The following SRGAP1 variants were observed in gnomAD, a reference collection of about 807,000 sequenced individuals.
The protein encoded by SRGAP1 is SLIT-ROBO Rho GTPase activating protein 1, also known as SLIT-ROBO Rho GTPase-activating protein 1.
SRGAP1 carries 43 observed loss-of-function variants against 121.9 expected under a neutral mutation model. The ratio of observed to expected loss-of-function variants is 0.35; its 90% CI spans 0.28 to 0.46. The LOEUF (loss-of-function observed/expected upper bound fraction) is 0.46, where lower values mean the gene tolerates loss of function less well. Among genes scored for constraint, SRGAP1 ranks in the 20% least tolerant of loss-of-function variants. The pLI is 1.00. For missense variants in SRGAP1, 1,102 were observed against 1,350.9 expected, an observed-to-expected ratio of 0.82 and a Z score of 2.89; for synonymous variants, 447 against 485.4, an observed-to-expected ratio of 0.92 and a Z score of 1.04.
chr12:64,000,239 GGTGTGTGTGT>G (rs58289093), intron 3 of SRGAP1, among the ~76,000 whole-genome samples: 8 of 131,526 alleles, frequency 6.1e-5, no homozygotes, highest in East Asian at 2.2e-4. Context: ...GAAAGGTAGG[GGTGTGTGTGT>G]GTGTGTGTGT....
chr12:64,113,113 G>GAA (rs529686928), intron 17 of SRGAP1, among the ~76,000 whole-genome samples: 45 of 136,936 alleles, frequency 3.3e-4, no homozygotes, highest in African/African-American at 7.8e-4. Flanking sequence ...CTCTAAAGAA[G>GAA]AAAAAAAAAA....
chr12:64,021,338 G>T (rs74097518), intron 4 of SRGAP1, among the ~76,000 whole-genome samples: 3 of 152,210 alleles, frequency 2.0e-5, no homozygotes, highest in Admixed American at 6.5e-5. Context: ...GAGAAAGAGA[G>T]TGATTTGTAG....
intron 1 of SRGAP1, among the ~76,000 whole-genome samples, chr12:63,964,856 A>G (rs2032743496): frequency 1.3e-5 from 2 of 152,208 alleles, no homozygotes; most frequent in Non-Finnish European, 2.9e-5. Flanking sequence ...GTCCTTTTGT[A>G]AAATGAAAAT....
intron 4 of SRGAP1, among the ~76,000 whole-genome samples, chr12:64,023,053 G>A (rs1469038451): frequency 1.3e-5 from 2 of 152,072 alleles, no homozygotes; most frequent in South Asian, 2.1e-4. Flanking sequence ...CATCATCATC[G>A]CCCTCTTTAT....
At chr12:63,914,422 A>C (rs1163092190) in intron 1 of SRGAP1, among the ~76,000 whole-genome samples, 1 of 152,208 alleles carries the variant, frequency 6.6e-6, no homozygotes, top group Admixed American at 6.5e-5. Context: ...TTCACAGCTT[A>C]TGGGTGTAAA....
At chr12:64,051,768 TTCTC>T (rs756013714) in intron 6 of SRGAP1, among the ~76,000 whole-genome samples, 4 of 152,240 alleles carry the variant, frequency 2.6e-5, no homozygotes, top group African/African-American at 7.2e-5. Flanking sequence ...CATTCTCTCT[TTCTC>T]TCTCTGTCTC....
chr12:63,876,631 G>C (rs978500390), intron 1 of SRGAP1, among the ~76,000 whole-genome samples: 2 of 152,066 alleles, frequency 1.3e-5, no homozygotes, highest in African/African-American at 4.8e-5. Flanking sequence ...TATCTTGTGG[G>C]AGAAGCATTG....
chr12:63,990,630 CA>C (rs2136418870), intron 3 of SRGAP1, among the ~76,000 whole-genome samples: 1 of 152,250 alleles, frequency 6.6e-6, no homozygotes, highest in East Asian at 1.9e-4. Flanking sequence ...AGTTATAAGT[CA>C]GTGAATCTAT....
At chr12:63,908,217 A>G (rs748010669) in intron 1 of SRGAP1, among the ~76,000 whole-genome samples, 6 of 151,720 alleles carry the variant, frequency 4.0e-5, no homozygotes, top group Non-Finnish European at 8.8e-5. Context: ...TGAATTTTGG[A>G]ATTAACCTGT....
Position 63,977,902 on chromosome 12 carries a change from T to C in SRGAP1, c.68-6045T>C, listed in dbSNP as rs141388074. Among the ~76,000 whole-genome samples, 24 of 152,334 alleles carry C rather than the reference T, an allele frequency of 1.6e-4. No individual in the cohort carries two copies. The East Asian group carries it at 4.6e-3, about 29-fold the overall frequency. ...ATTTAAATAATGACTGCTTACAGCC[T>C]CCTCAGAGATCACATTTTTCCGCCT... On this transcript the variant is annotated intron_variant, in intron 1 of 21. Coordinates refer to ENST00000355086, the MANE Select transcript of SRGAP1 (RefSeq NM_020762.4).
intron 8 of SRGAP1, among the ~76,000 whole-genome samples, chr12:64,070,907 G>A (rs1239084557): frequency 4.6e-5 from 7 of 152,042 alleles, no homozygotes; most frequent in Non-Finnish European, 8.8e-5. Context: ...ACTCTCATGG[G>A]GGATTCTCAA....
At chr12:64,005,235 T>G (rs2034044421) in intron 3 of SRGAP1, among the ~76,000 whole-genome samples, 1 of 152,198 alleles carries the variant, frequency 6.6e-6, no homozygotes, top group Non-Finnish European at 1.5e-5. Flanking sequence ...GAAAAAATAA[T>G]TTTCAATAAT....
rs1167074068 is a variant in SRGAP1, at chr12:64,142,460, G to A, written c.3046G>A (p.Ala1016Thr). The A allele has an allele frequency of 3.1e-6, 5 of 1,614,116 alleles. No homozygotes were observed. In the South Asian group the frequency reaches 4.4e-5, roughly 14 times the overall value. ...ATCTCTCAGCCCTTTGCACAACGTT[G>A]CCCTCAGGAGCTCCGAGCCTCAGAT... ...TESLSPLHNVALRSSEPQIRR... is the reference protein window; with the variant it reads ...TESLSPLHNVTLRSSEPQIRR... Residue 1016 changes from alanine to threonine, a missense_variant, in exon 22 of 22, where the codon GCC becomes ACC. By Grantham distance (58) the Ala-to-Thr change is moderately conservative. Around this residue, in one of 3 missense-constraint regions of SRGAP1, gnomAD observed 315 missense variants for 343.1 expected, o/e 0.92. Transcript: ENST00000355086.
chr12:63,943,066 T>C (rs1273528938), intron 1 of SRGAP1, among the ~76,000 whole-genome samples: 1 of 152,182 alleles, frequency 6.6e-6, no homozygotes, highest in Non-Finnish European at 1.5e-5. Context: ...GCTCAGTGAG[T>C]TGTACGTCAC....
chr12:63,930,360 C>T (rs1197067372), intron 1 of SRGAP1, among the ~76,000 whole-genome samples: 3 of 150,478 alleles, frequency 2.0e-5, no homozygotes, highest in Non-Finnish European at 4.4e-5. Flanking sequence ...AAAGGGGAGC[C>T]CTCTTTTTAT....
intron 3 of SRGAP1, among the ~76,000 whole-genome samples, chr12:63,999,551 T>C (rs1187565270): frequency 6.6e-6 from 1 of 152,054 alleles, no homozygotes; most frequent in African/African-American, 2.4e-5. Context: ...ATTGATTGGC[T>C]GGGTGGGAGA....
At chr12:64,126,973 T>A (rs1356910337) in intron 19 of SRGAP1, among the ~76,000 whole-genome samples, 1 of 152,236 alleles carries the variant, frequency 6.6e-6, no homozygotes, top group Non-Finnish European at 1.5e-5. Flanking sequence ...TACTGTACCT[T>A]TTCTATGTTT....
intron 1 of SRGAP1, among the ~76,000 whole-genome samples, chr12:63,917,643 A>G (rs893753677): frequency 1.3e-5 from 2 of 152,146 alleles, no homozygotes; most frequent in African/African-American, 2.4e-5. Context: ...TTAAAAGGAT[A>G]TATTATAGCT....
At chr12:64,117,812 T>G (rs1450095956) in intron 18 of SRGAP1, among the ~76,000 whole-genome samples, 1 of 152,200 alleles carries the variant, frequency 6.6e-6, no homozygotes, top group African/African-American at 2.4e-5. Context: ...TTCTATGAAT[T>G]GGATTCTTTT....
Sources: gnomAD v4.1 joint callset for allele counts (sites outside exome capture counted in the v4.1 genomes callset) on GRCh38, gnomAD v4.1.1 for gene constraint, gnomAD v4.1.1 regional missense constraint, MANE v1.5 for transcripts, NCBI Gene and HGNC (gene_info 2026-07-23, HGNC 2026-07-21) for gene names.